The following CDH12 variants were observed in gnomAD, a reference collection of about 807,000 sequenced individuals.
The protein encoded by CDH12 is cadherin-12.
In CDH12, 41 loss-of-function variants were observed where a neutral mutation model predicts 74.1. That is an observed-to-expected ratio of 0.55 (90% CI 0.43 to 0.72). CDH12 has a LOEUF of 0.72. Among genes scored for constraint, CDH12 ranks in the 30% least tolerant of loss-of-function variants. CDH12 has a pLI of 0.00. For missense variants in CDH12, 945 were observed against 977.2 expected, an observed-to-expected ratio of 0.97 and a Z score of 0.44; for synonymous variants, 399 against 355.0, an observed-to-expected ratio of 1.12 and a Z score of -1.39.
intron 6 of CDH12, among the ~76,000 whole-genome samples, chr5:21,934,356 A>G (rs1754978565): frequency 6.6e-6 from 1 of 152,206 alleles, no homozygotes; most frequent in South Asian, 2.1e-4. Context: ...ATGCATGAGC[A>G]TATGTATGTT....
intron 6 of CDH12, among the ~76,000 whole-genome samples, chr5:21,972,672 A>G (rs1029269215): frequency 6.6e-6 from 1 of 152,092 alleles, no homozygotes; most frequent in Admixed American, 6.6e-5. Context: ...AGATACCACA[A>G]CTATAATTGG....
chr5:22,304,233 A>G (rs1052388421), intron 3 of CDH12, among the ~76,000 whole-genome samples: 4 of 152,144 alleles, frequency 2.6e-5, no homozygotes, highest in African/African-American at 9.7e-5. Flanking sequence ...AAACCAAGGC[A>G]TAAACCAAGA....
chr5:22,234,416 G>A (rs759708124), intron 3 of CDH12, among the ~76,000 whole-genome samples: 2 of 152,000 alleles, frequency 1.3e-5, no homozygotes, highest in Non-Finnish European at 2.9e-5. Context: ...GTTGTATCAG[G>A]GATTTCTGCT....
At chr5:21,882,226 T>C (rs1752389188) in intron 6 of CDH12, among the ~76,000 whole-genome samples, 1 of 152,190 alleles carries the variant, frequency 6.6e-6, no homozygotes, top group South Asian at 2.1e-4. Context: ...GAAGTCACAT[T>C]TTATCTGAAT....
chr5:21,782,031 A>C (rs1452259472), intron 11 of CDH12, among the ~76,000 whole-genome samples: 1 of 152,224 alleles, frequency 6.6e-6, no homozygotes, highest in African/African-American at 2.4e-5. Context: ...CTGGGCTAAT[A>C]TTCCATTTCA....
intron 6 of CDH12, among the ~76,000 whole-genome samples, chr5:21,973,060 A>AG (rs1318963147): frequency 6.6e-6 from 1 of 150,758 alleles, no homozygotes; most frequent in East Asian, 2.0e-4. Flanking sequence ...AAAAAAAAAA[A>AG]AAAAAATAGC....
chr5:22,221,594 T>C (rs1164628707), intron 3 of CDH12, among the ~76,000 whole-genome samples: 3 of 151,928 alleles, frequency 2.0e-5, no homozygotes, highest in African/African-American at 7.2e-5. Flanking sequence ...GCTGCTTTCA[T>C]GCTCCCGCTA....
At chr5:22,332,037 C>A (rs1437024150) in intron 3 of CDH12, among the ~76,000 whole-genome samples, 3 of 152,026 alleles carry the variant, frequency 2.0e-5, no homozygotes, top group Non-Finnish European at 4.4e-5. Flanking sequence ...AAGGGCAAAT[C>A]TAAGAATTAC....
At chr5:22,343,889 T>C (rs749953137) in intron 3 of CDH12, among the ~76,000 whole-genome samples, 22 of 152,244 alleles carry the variant, frequency 1.4e-4, no homozygotes, top group Non-Finnish European at 2.5e-4. Flanking sequence ...TTGCTCAGTT[T>C]ACCCTAGCAT....
At chr5:22,758,501 T>A (rs1410019640) in intron 1 of CDH12, among the ~76,000 whole-genome samples, 1 of 151,950 alleles carries the variant, frequency 6.6e-6, no homozygotes, top group Non-Finnish European at 1.5e-5. Flanking sequence ...GATTAAACAT[T>A]GTCTGTGTGT....
At chr5:22,669,383 T>C (rs1253756293) in intron 1 of CDH12, among the ~76,000 whole-genome samples, 3 of 152,176 alleles carry the variant, frequency 2.0e-5, no homozygotes, top group African/African-American at 4.8e-5. Context: ...AGATGACTTC[T>C]GGGAAAAGAG....
Position 22,555,055 on chromosome 5 carries a change from G to A in CDH12, c.-522-49691C>T, listed in dbSNP as rs188199248. 6.6e-4 allele frequency among the ~76,000 whole-genome samples: 100 copies of A among 152,102 alleles called. 1 individual carries two copies. The highest frequency in any genetic ancestry group is 2.0e-3 in the Admixed American group (31 of 15,264). ...CTGATATAGAACATAATCTTGCACA[G>A]AATATTGTTGGATTAGGAAGATTAA... On this transcript the variant is annotated intron_variant, in intron 1 of 14. Coordinates refer to ENST00000382254, the MANE Select transcript of CDH12 (RefSeq NM_004061.5).
chr5:22,827,992 G>C (rs998325385), intron 1 of CDH12, among the ~76,000 whole-genome samples: 1 of 151,974 alleles, frequency 6.6e-6, no homozygotes, highest in East Asian at 1.9e-4. Flanking sequence ...AAATAATATG[G>C]GCATTTGTTC....
chr5:22,065,101 A>G (rs1437097082), intron 5 of CDH12, among the ~76,000 whole-genome samples: 2 of 152,072 alleles, frequency 1.3e-5, no homozygotes, highest in Non-Finnish European at 2.9e-5. Context: ...GGAAACTATA[A>G]TGGCCTCGCC....
At chr5:22,310,907 T>C (rs1482441442) in intron 3 of CDH12, among the ~76,000 whole-genome samples, 2 of 152,350 alleles carry the variant, frequency 1.3e-5, no homozygotes, top group South Asian at 2.1e-4. Flanking sequence ...TCTTACCCAG[T>C]AATAAAAATG....
intron 5 of CDH12, among the ~76,000 whole-genome samples, chr5:21,987,109 T>C (rs1757550125): frequency 6.6e-6 from 1 of 152,160 alleles, no homozygotes; most frequent in African/African-American, 2.4e-5. Context: ...TTTATTATCA[T>C]AGTCACTTCT....
chr5:21,904,271 T>G (rs1277163040), intron 6 of CDH12, among the ~76,000 whole-genome samples: 1 of 152,040 alleles, frequency 6.6e-6, no homozygotes, highest in Non-Finnish European at 1.5e-5. Context: ...AAATAATTAG[T>G]GAGATATGCT....
At chr5:22,761,392 G>A (rs1037334995) in intron 1 of CDH12, among the ~76,000 whole-genome samples, 2 of 152,290 alleles carry the variant, frequency 1.3e-5, no homozygotes, top group African/African-American at 4.8e-5. Context: ...AATGCCTGGA[G>A]AAGGGAAACC....
chr5:21,814,231 C>A (rs2149941523), intron 9 of CDH12, among the ~76,000 whole-genome samples: 1 of 150,720 alleles, frequency 6.6e-6, no homozygotes, highest in South Asian at 2.1e-4. Flanking sequence ...CTATCTAAAT[C>A]TATTTTAATA....
Sources: gnomAD v4.1 joint callset for allele counts (sites outside exome capture counted in the v4.1 genomes callset) on GRCh38, gnomAD v4.1.1 for gene constraint, MANE v1.5 for transcripts, NCBI Gene and HGNC (gene_info 2026-07-23, HGNC 2026-07-21) for gene names.